Variants in UGT1A7 observed in about 807,000 individuals in gnomAD.
UGT1A7 encodes the protein UDP glucuronosyltransferase family 1 member A7.
UGT1A7 carries 33 observed loss-of-function variants against 45.6 expected under a neutral mutation model. The observed-to-expected ratio is 0.72, with a 90% CI of 0.55 to 0.97. The LOEUF (loss-of-function observed/expected upper bound fraction) is 0.97. Ranked by LOEUF, UGT1A7 falls within the 50% of genes least tolerant of loss-of-function variation. The pLI, the probability that UGT1A7 is intolerant of heterozygous loss-of-function variation, is 0.00. For missense variants in UGT1A7, 684 were observed against 666.2 expected (o/e 1.03, Z -0.29); for synonymous variants, 274 against 250.6 (o/e 1.09, Z -0.88).
intron 1 of UGT1A7, chr2:233,747,729 T>A: frequency 6.2e-7 from 1 of 1,613,510 alleles, no homozygotes. Context: ...TGTGTTTTTT[T>A]TGAGGAACAT....
intron 1 of UGT1A7, among the ~76,000 whole-genome samples, chr2:233,766,038 C>T (rs1161510573): frequency 6.6e-6 from 1 of 152,144 alleles, no homozygotes; most frequent in African/African-American, 2.4e-5. Context: ...CCTCTATAGT[C>T]AGCTTGTGTT....
At chr2:233,762,034 A>G (rs750851212) in intron 1 of UGT1A7, among the ~76,000 whole-genome samples, 3 of 151,806 alleles carry the variant, frequency 2.0e-5, no homozygotes, top group Non-Finnish European at 2.9e-5. Context: ...ATTTTTTTTA[A>G]TTTTCTGTGC....
In UGT1A7 at chr2:233,772,418, T is replaced by C. The variant is rs768461412; in HGVS notation, c.1452T>C (p.His484=). The change falls in exon 5 of 5, where the codon CAT becomes CAC. Residue 484 remains histidine (H), a synonymous_variant. Transcript: ENST00000373426. ...ACGACCTCACCTGGTACCAGTACCA[T>C]TCCTTGGACGTGATTGGTTTCCTCT... ...AAHDLTWYQY[H]SLDVIGFLLA... 3 of 1,614,060 alleles carry C rather than the reference T, an allele frequency of 1.9e-6. No individual in the cohort carries two copies. In the Admixed American group the frequency reaches 5.0e-5, roughly 27 times the overall value.
At position 233,684,025 on chromosome 2, in the gene UGT1A7, T is replaced by C. The variant is rs28898569; in HGVS notation, c.855+1233T>C. On this transcript the variant is annotated intron_variant, in intron 1 of 4. Coordinates refer to ENST00000373426, the MANE Select transcript of UGT1A7 (RefSeq NM_019077.3). Reference sequence around the variant, plus strand: ...AAGAGTAAGATTCTTGGCAAATGCATAGTTGCTAAATCCAGGTGAAACACC... The same window carrying C: ...AAGAGTAAGATTCTTGGCAAATGCACAGTTGCTAAATCCAGGTGAAACACC... Among the ~76,000 whole-genome samples the C allele has an allele frequency of 3.7e-3, 565 of 152,300 alleles. 7 individuals carry two copies. The highest frequency in any genetic ancestry group is 0.013 in the African/African-American group (541 of 41,568).
intron 1 of UGT1A7, among the ~76,000 whole-genome samples, chr2:233,716,864 C>T (rs1229406497): frequency 2.0e-5 from 3 of 152,102 alleles, no homozygotes; most frequent in Non-Finnish European, 2.9e-5. Context: ...GCTGATGGCT[C>T]CAAGTCTATC....
At chr2:233,722,847 T>TATGAAGACACTAC (rs1484611213) in intron 1 of UGT1A7, among the ~76,000 whole-genome samples, 1 of 139,226 alleles carries the variant, frequency 7.2e-6, no homozygotes, top group African/African-American at 2.9e-5. Flanking sequence ...GAATGTTTCT[T>TATGAAGACACTAC]TTTTTTTTTT....
chr2:233,772,573 A>C lies in UGT1A7; in HGVS notation c.*14A>C. 1.9e-6 allele frequency: 3 copies of C among 1,610,688 alleles called. No homozygotes were observed. Among genetic ancestry groups the C allele is most frequent in the Non-Finnish European group, 2.5e-6 (3 of 1,178,166 alleles). On this transcript the variant is annotated 3_prime_UTR_variant, in exon 5 of 5. Coordinates refer to ENST00000373426, the MANE Select transcript of UGT1A7 (RefSeq NM_019077.3). ...AAGACCCATTGAGAAGTGGGTGGGA[A>C]ATAAGGTAAAATTTTGAACCATTCC...
intron 1 of UGT1A7, among the ~76,000 whole-genome samples, chr2:233,700,735 A>G (rs368539869): frequency 4.6e-5 from 7 of 151,920 alleles, no homozygotes; most frequent in African/African-American, 1.7e-4. Context: ...TTTTATTATT[A>G]TTATACTTTA....
At chr2:233,747,246 G>T in intron 1 of UGT1A7, 1 of 1,601,988 alleles carries the variant, frequency 6.2e-7, no homozygotes, top group Non-Finnish European at 8.5e-7. Flanking sequence ...CCCTGCTGTG[G>T]CTGGCCACAG....
intron 1 of UGT1A7, chr2:233,747,107 A>T: frequency 1.4e-6 from 2 of 1,386,060 alleles, no homozygotes; most frequent in Admixed American, 4.1e-5. Flanking sequence ...TTCCAATTAC[A>T]TGATGATTTG....
chr2:233,744,004 C>A, intron 1 of UGT1A7: 1 of 1,163,748 alleles, frequency 8.6e-7, no homozygotes, highest in Non-Finnish European at 1.1e-6. Context: ...TGCTCGGAGA[C>A]CTGGGCCGCC....
intron 1 of UGT1A7, chr2:233,718,646 T>C (rs896196849): frequency 1.0e-5 from 15 of 1,495,846 alleles, no homozygotes; most frequent in African/African-American, 1.4e-5. Flanking sequence ...GTTGGGCCCA[T>C]AACGAAAGGC....
intron 1 of UGT1A7, among the ~76,000 whole-genome samples, chr2:233,688,986 C>G (rs531917825): frequency 6.6e-6 from 1 of 152,328 alleles, no homozygotes; most frequent in South Asian, 2.1e-4. Flanking sequence ...CCCTTCATCC[C>G]TATGTCCCAG....
intron 1 of UGT1A7, chr2:233,743,892 C>A (rs1369437404): frequency 1.5e-6 from 2 of 1,366,886 alleles, no homozygotes; most frequent in Non-Finnish European, 2.0e-6. Flanking sequence ...CGGGGCACGT[C>A]CAGCACCTCG....
intron 1 of UGT1A7, among the ~76,000 whole-genome samples, chr2:233,699,464 C>G (rs1471527294): frequency 6.6e-6 from 1 of 152,156 alleles, no homozygotes; most frequent in Non-Finnish European, 1.5e-5. Flanking sequence ...CAAAGGAGGT[C>G]AGAAGTAAAT....
At chr2:233,710,412 T>C (rs946012708) in intron 1 of UGT1A7, among the ~76,000 whole-genome samples, 1 of 152,232 alleles carries the variant, frequency 6.6e-6, no homozygotes, top group African/African-American at 2.4e-5. Context: ...TGCTCTGTAT[T>C]TGTGCTAAGA....
At chr2:233,755,342 A>G in intron 1 of UGT1A7, 1 of 423,680 alleles carries the variant, frequency 2.4e-6, no homozygotes, top group Non-Finnish European at 4.1e-6. Flanking sequence ...CGCACAGGTC[A>G]GAGGCTTGGC....
In UGT1A7 at chr2:233,682,087, C is replaced by T. The variant is rs1559339300; in HGVS notation, c.150C>T (p.Leu50=). 5 of 1,613,998 alleles carry T rather than the reference C, an allele frequency of 3.1e-6. No individual in the cohort carries two copies. Among genetic ancestry groups the T allele is most frequent in the Admixed American group, 3.3e-5 (2 of 59,966 alleles). The part of the protein sequence containing the change: ...TMQSVVEKLI[L]RGHEVVVVMP... ...AGTCGGTGGTGGAGAAACTCATCCT[C>T]AGGGGGCATGAGGTGGTCGTAGTCA... The change falls in exon 1 of 5, where the codon CTC becomes CTT. Residue 50 remains leucine, a synonymous_variant. Coordinates refer to ENST00000373426, the MANE Select transcript of UGT1A7 (RefSeq NM_019077.3).
chr2:233,768,319 G>A lies in UGT1A7; in HGVS notation c.1175G>A (p.Gly392Asp), dbSNP rs367897068. The A allele has an allele frequency of 6.2e-7, 1 of 1,614,162 alleles. No homozygotes were observed. Among genetic ancestry groups the A allele is most frequent in the Non-Finnish European group, 8.5e-7 (1 of 1,180,044 alleles). The change falls in exon 4 of 5, where the codon GGT (glycine) becomes GAT (aspartate). Residue 392 changes from glycine (G) to aspartate (D), a missense_variant. Gly to Asp is a moderately conservative substitution (Grantham distance 94). Transcript: ENST00000373426. ...CCCATGGTGATGATGCCCTTGTTTG[G>A]TGATCAGATGGACAATGCAAAGCGC... ...GVPMVMMPLF[G>D]DQMDNAKRME...
Sources: gnomAD v4.1 joint callset for allele counts (sites outside exome capture counted in the v4.1 genomes callset) on GRCh38, gnomAD v4.1.1 for gene constraint, MANE v1.5 for transcripts, NCBI Gene and HGNC (gene_info 2026-07-23, HGNC 2026-07-21) for gene names.